The following STAU2 variants were observed in gnomAD, a reference collection of about 807,000 sequenced individuals.
STAU2 encodes the protein double-stranded RNA-binding protein Staufen homolog 2.
STAU2 carries 20 observed loss-of-function variants against 65.9 expected under a neutral mutation model. That is an observed-to-expected ratio of 0.30 (90% CI 0.21 to 0.44). The LOEUF (loss-of-function observed/expected upper bound fraction) is 0.44. Among genes scored for constraint, STAU2 ranks in the 20% least tolerant of loss-of-function variants. The pLI, the probability that STAU2 is intolerant of heterozygous loss-of-function variation, is 1.00. For synonymous variants in STAU2, 232 were observed against 233.9 expected (o/e 0.99, Z 0.07); for missense variants, 558 against 683.9 (o/e 0.82, Z 2.05).
At chr8:73,648,858 G>A (rs1351852789) in intron 6 of STAU2, among the ~76,000 whole-genome samples, 1 of 152,174 alleles carries the variant, frequency 6.6e-6, no homozygotes, top group Non-Finnish European at 1.5e-5. Context: ...ACAGGCTGGA[G>A]TACAGTGGTA....
chr8:73,729,921 TTTTC>T (rs1805926777), intron 3 of STAU2, among the ~76,000 whole-genome samples: 3 of 152,318 alleles, frequency 2.0e-5, no homozygotes. Flanking sequence ...TATCTGTGTT[TTTTC>T]TTTGTCAGTC....
intron 13 of STAU2, among the ~76,000 whole-genome samples, chr8:73,442,093 A>C (rs1306570867): frequency 6.6e-6 from 1 of 152,130 alleles, no homozygotes; most frequent in East Asian, 1.9e-4. Flanking sequence ...AGTGGCTCAC[A>C]CCTGTAATCC....
rs1204993177 is a variant in STAU2 at position 73,591,902 on chromosome 8, AAAAAAAAAAAAAC to A, written c.1161+3251_1161+3263del. ...AGAGGTAAAAAAAAAAAAAAAAAAAAAAAAAAAAAAAACAAGAGAGAGACAAGAAAAACCCAAC... is the reference window on the plus strand; with the variant it reads ...AGAGGTAAAAAAAAAAAAAAAAAAAAAAGAGAGAGACAAGAAAAACCCAAC... On this transcript the variant is annotated intron_variant, in intron 11 of 14. Transcript: ENST00000524300. Among the ~76,000 whole-genome samples, 5 of 139,248 alleles carry A rather than the reference AAAAAAAAAAAAAC, an allele frequency of 3.6e-5. No homozygotes were observed. The East Asian group carries it at 7.8e-4, about 22-fold the overall frequency. The allele number at this position is 139,248 out of a possible 152,430, so 91.4% of individuals were successfully genotyped here.
chr8:73,736,776 T>C (rs58783533), intron 3 of STAU2, among the ~76,000 whole-genome samples: 1 of 152,092 alleles, frequency 6.6e-6, no homozygotes, highest in Non-Finnish European at 1.5e-5. Flanking sequence ...AACTTAGAAG[T>C]CATTAGCTTA....
intron 11 of STAU2, among the ~76,000 whole-genome samples, chr8:73,584,259 A>G (rs1359883002): frequency 6.6e-6 from 1 of 152,152 alleles, no homozygotes; most frequent in African/African-American, 2.4e-5. Flanking sequence ...CTTCATCAAC[A>G]TTTACCATCC....
intron 7 of STAU2, among the ~76,000 whole-genome samples, chr8:73,616,746 T>C (rs6998606): frequency 0.98 from 148,256 of 152,040 alleles, 72,297 homozygotes; most frequent in East Asian, 1. Flanking sequence ...TGCAGTGAGC[T>C]GAGATCCTGC....
chr8:73,434,094 A>G (rs1319304390), intron 13 of STAU2, among the ~76,000 whole-genome samples: 1 of 151,838 alleles, frequency 6.6e-6, no homozygotes, highest in Non-Finnish European at 1.5e-5. Flanking sequence ...ACAAGTGCTT[A>G]AAGTCAGAGA....
chr8:73,658,681 G>A (rs1470708347), intron 6 of STAU2, among the ~76,000 whole-genome samples: 1 of 152,080 alleles, frequency 6.6e-6, no homozygotes, highest in East Asian at 1.9e-4. Context: ...TTGGGAGCCC[G>A]AGGCGGGTGA....
chr8:73,450,520 G>A (rs1488178388), intron 13 of STAU2, among the ~76,000 whole-genome samples: 1 of 152,182 alleles, frequency 6.6e-6, no homozygotes, highest in Non-Finnish European at 1.5e-5. Flanking sequence ...TGGGGGCTAG[G>A]ACTTCAGAAA....
chr8:73,665,045 G>A (rs1208534143), intron 6 of STAU2, among the ~76,000 whole-genome samples: 1 of 152,022 alleles, frequency 6.6e-6, no homozygotes, highest in East Asian at 1.9e-4. Context: ...CTGATCTTAA[G>A]TTCACTCTTC....
intron 6 of STAU2, among the ~76,000 whole-genome samples, chr8:73,630,760 G>A (rs1814031456): frequency 2.6e-5 from 4 of 152,072 alleles, no homozygotes; most frequent in Admixed American, 2.0e-4. Flanking sequence ...GATACATGCT[G>A]TGTCAGAACA....
At chr8:73,746,890 C>G, upstream of STAU2, 5 of 1,021,784 alleles carry the variant, frequency 4.9e-6, no homozygotes, top group Non-Finnish European at 6.0e-6. Context: ...CCCCGCCCCC[C>G]GCCTCCGCCC....
chr8:73,449,741 C>T (rs1236869697), intron 13 of STAU2, among the ~76,000 whole-genome samples: 2 of 152,162 alleles, frequency 1.3e-5, no homozygotes, highest in Non-Finnish European at 2.9e-5. Context: ...ACCAGCCCAC[C>T]CCTTTCTTGT....
chr8:73,558,572 C>T (rs538084135), intron 12 of STAU2, among the ~76,000 whole-genome samples: 1 of 152,266 alleles, frequency 6.6e-6, no homozygotes, highest in South Asian at 2.1e-4. Flanking sequence ...AGAACCTTGC[C>T]TTTCAATGAT....
At chr8:73,623,943 A>C (rs1274288045) in intron 6 of STAU2, among the ~76,000 whole-genome samples, 1 of 152,200 alleles carries the variant, frequency 6.6e-6, no homozygotes, top group African/African-American at 2.4e-5. Context: ...AGGTCAGATG[A>C]AAATATGCTT....
chr8:73,452,256 G>C (rs1427202335), intron 13 of STAU2, among the ~76,000 whole-genome samples: 1 of 151,984 alleles, frequency 6.6e-6, no homozygotes, highest in East Asian at 1.9e-4. Flanking sequence ...TCCCTATCAT[G>C]ACACCCGGCT....
chr8:73,480,691 A>G (rs780258227), intron 13 of STAU2, among the ~76,000 whole-genome samples: 12 of 152,132 alleles, frequency 7.9e-5, no homozygotes, highest in Non-Finnish European at 1.6e-4. Context: ...GCAAACTCAA[A>G]TGTAATCAGT....
intron 12 of STAU2, among the ~76,000 whole-genome samples, chr8:73,573,542 T>C (rs1358950204): frequency 6.6e-6 from 1 of 152,296 alleles, no homozygotes; most frequent in East Asian, 1.9e-4. Context: ...AGCGTACTGG[T>C]ACCAAAACAG....
At chr8:73,576,927 GCTC>G (rs1188721210) in intron 12 of STAU2, among the ~76,000 whole-genome samples, 1 of 152,072 alleles carries the variant, frequency 6.6e-6, no homozygotes, top group African/African-American at 2.4e-5. Flanking sequence ...ATTACAGTCT[GCTC>G]CTAATTTTGA....
Sources: allele counts gnomAD v4.1 joint callset (sites outside exome capture counted in the v4.1 genomes callset), GRCh38; gene constraint gnomAD v4.1.1; transcripts MANE v1.5; gene names NCBI Gene and HGNC (gene_info 2026-07-23, HGNC 2026-07-21).